Variants in SPOCK3 observed in about 807,000 individuals in gnomAD.
The protein encoded by SPOCK3 is SPARC (osteonectin), cwcv and kazal like domains proteoglycan 3, also known as testican-3.
In SPOCK3, 30 loss-of-function variants were observed where a neutral mutation model predicts 56.6. That is an observed-to-expected ratio of 0.53 (90% CI 0.40 to 0.72). The LOEUF is 0.72. SPOCK3 is among the 30% of genes least tolerant of loss of function. The probability of loss-of-function intolerance (pLI) is 0.00; values close to 1 mark genes in which losing one functional copy is unlikely to be tolerated. For synonymous variants in SPOCK3, 196 were observed against 183.3 expected (o/e 1.07, Z -0.56); for missense variants, 527 against 530.0 (o/e 0.99, Z 0.06).
At chr4:167,209,873 T>C (rs148681854) in intron 2 of SPOCK3, among the ~76,000 whole-genome samples, 57 of 152,228 alleles carry the variant, frequency 3.7e-4, no homozygotes, top group African/African-American at 1.2e-3. Context: ...AAGCAGAACT[T>C]AATGGGAATT....
At chr4:167,206,714 C>T (rs1393559279) in intron 2 of SPOCK3, among the ~76,000 whole-genome samples, 1 of 151,660 alleles carries the variant, frequency 6.6e-6, no homozygotes, top group East Asian at 1.9e-4. Flanking sequence ...TAACAGATAC[C>T]AATTTTTTTT....
At chr4:167,038,693 T>C (rs1307930980) in intron 3 of SPOCK3, among the ~76,000 whole-genome samples, 1 of 143,222 alleles carries the variant, frequency 7.0e-6, no homozygotes, top group Admixed American at 7.0e-5. Context: ...AAAATCAGAA[T>C]GCTAAAGCCA....
At chr4:167,025,336 G>T (rs75113710) in intron 3 of SPOCK3, among the ~76,000 whole-genome samples, 7,287 of 151,696 alleles carry the variant, frequency 0.048, 228 homozygotes, top group Non-Finnish European at 0.067. Flanking sequence ...ATCCATCAAT[G>T]AAAACAGCCA....
intron 3 of SPOCK3, among the ~76,000 whole-genome samples, chr4:167,001,957 T>C (rs942257888): frequency 2.0e-5 from 3 of 151,268 alleles, no homozygotes; most frequent in African/African-American, 7.4e-5. Context: ...ATTTATTTTA[T>C]TATATTTTAT....
chr4:167,052,306 T>C (rs571244472), intron 3 of SPOCK3, among the ~76,000 whole-genome samples: 1 of 152,310 alleles, frequency 6.6e-6, no homozygotes, highest in South Asian at 2.1e-4. Flanking sequence ...GAGCATTTAC[T>C]GTTGGTTTCT....
intron 2 of SPOCK3, among the ~76,000 whole-genome samples, chr4:167,220,215 A>G (rs1170101973): frequency 6.6e-6 from 1 of 152,040 alleles, no homozygotes; most frequent in Non-Finnish European, 1.5e-5. Context: ...TCCTTTTTCC[A>G]TTTTACATAA....
intron 6 of SPOCK3, among the ~76,000 whole-genome samples, chr4:166,848,516 T>C (rs1748335497): frequency 6.6e-6 from 1 of 152,216 alleles, no homozygotes; most frequent in South Asian, 2.1e-4. Flanking sequence ...AAGCATTCCC[T>C]TTTGAAATCC....
At chr4:167,052,190 T>C (rs1344393083) in intron 3 of SPOCK3, among the ~76,000 whole-genome samples, 2 of 152,116 alleles carry the variant, frequency 1.3e-5, no homozygotes, top group Non-Finnish European at 2.9e-5. Flanking sequence ...GTAAAACAAA[T>C]AAAACACCAT....
intron 6 of SPOCK3, among the ~76,000 whole-genome samples, chr4:166,833,369 A>G (rs187079294): frequency 4.7e-4 from 71 of 152,242 alleles, no homozygotes; most frequent in African/African-American, 1.7e-3. Flanking sequence ...GCTGGTTGAT[A>G]GTATTATTCA....
At chr4:166,736,327 C>T (rs1734214284) in intron 10 of SPOCK3, among the ~76,000 whole-genome samples, 1 of 152,120 alleles carries the variant, frequency 6.6e-6, no homozygotes, top group African/African-American at 2.4e-5. Flanking sequence ...TCATTGTCAT[C>T]AATGACAACA....
intron 7 of SPOCK3, among the ~76,000 whole-genome samples, chr4:166,778,519 A>G (rs1053014208): frequency 6.6e-6 from 1 of 152,182 alleles, no homozygotes; most frequent in Non-Finnish European, 1.5e-5. Flanking sequence ...AGGGGTAAAC[A>G]GCAGGTATTG....
intron 3 of SPOCK3, among the ~76,000 whole-genome samples, chr4:167,008,631 A>G (rs906883692): frequency 6.6e-5 from 10 of 152,174 alleles, no homozygotes; most frequent in Admixed American, 3.3e-4. Context: ...AATGTAGTAC[A>G]TGTATACCAT....
At position 166,792,177 on chromosome 4, in the gene SPOCK3, C is replaced by T. The variant is rs1325308235; in HGVS notation, c.702G>A (p.Glu234=). The T allele has an allele frequency of 1.2e-6, 2 of 1,613,822 alleles. No homozygotes were observed. Among genetic ancestry groups the T allele is most frequent in the Non-Finnish European group, 1.7e-6 (2 of 1,179,822 alleles). ...CAAATTTAGAAATCTTACTGCTTCT[C>T]TCAGGCCTCAGCAATGTTTTTGTCT... ...NKKTKTLLRP[E]RSRFDTSILP... The change falls in exon 7 of 11, where the codon GAG becomes GAA. Residue 234 remains glutamate, a synonymous_variant. Transcript: ENST00000357545.
intron 4 of SPOCK3, among the ~76,000 whole-genome samples, chr4:166,994,594 G>A (rs905426163): frequency 2.0e-5 from 3 of 152,142 alleles, no homozygotes; most frequent in South Asian, 2.1e-4. Flanking sequence ...TAACCAACAG[G>A]TTCCTGATTT....
intron 5 of SPOCK3, among the ~76,000 whole-genome samples, chr4:166,889,901 C>A (rs1188040053): frequency 2.0e-5 from 3 of 151,876 alleles, no homozygotes; most frequent in African/African-American, 7.2e-5. Flanking sequence ...ACAAAATAAA[C>A]CAAATATTTA....
chr4:167,039,846 A>G (rs563750322), intron 3 of SPOCK3, among the ~76,000 whole-genome samples: 5 of 152,338 alleles, frequency 3.3e-5, no homozygotes, highest in African/African-American at 9.6e-5. Flanking sequence ...AAAGTTGTAT[A>G]AACAATTAAG....
At chr4:167,089,678 T>C (rs1758534300) in intron 2 of SPOCK3, among the ~76,000 whole-genome samples, 1 of 152,206 alleles carries the variant, frequency 6.6e-6, no homozygotes, top group Non-Finnish European at 1.5e-5. Flanking sequence ...TTTCTCCCTT[T>C]AGATGTACAC....
chr4:166,982,832 T>C (rs1746732558), intron 4 of SPOCK3, among the ~76,000 whole-genome samples: 3 of 152,150 alleles, frequency 2.0e-5, no homozygotes, highest in Admixed American at 2.0e-4. Context: ...AGTGGCCCTA[T>C]ATTTTGAGGC....
intron 3 of SPOCK3, among the ~76,000 whole-genome samples, chr4:167,058,128 T>C (rs971939305): frequency 3.3e-5 from 5 of 152,048 alleles, no homozygotes; most frequent in Admixed American, 6.6e-5. Context: ...CTATTCAACA[T>C]AGTGTTGGAA....
Sources: gnomAD v4.1 joint callset for allele counts (sites outside exome capture counted in the v4.1 genomes callset) on GRCh38, gnomAD v4.1.1 for gene constraint, MANE v1.5 for transcripts, NCBI Gene and HGNC (gene_info 2026-07-23, HGNC 2026-07-21) for gene names.